Variants in GNL3L observed in about 807,000 individuals in gnomAD.
GNL3L encodes the protein G protein nucleolar 3 like.
In GNL3L, 4 loss-of-function variants were observed where a neutral mutation model predicts 42.9. The ratio of observed to expected loss-of-function variants is 0.09; its 90% CI spans 0.05 to 0.21. The LOEUF is 0.21. Among genes scored for constraint, GNL3L ranks in the 10% least tolerant of loss-of-function variants. The probability of loss-of-function intolerance (pLI) is 1.00; values close to 1 mark genes in which losing one functional copy is unlikely to be tolerated. For missense variants in GNL3L, 412 were observed against 481.7 expected (o/e 0.86, Z 1.36); for synonymous variants, 159 against 176.3 (o/e 0.90, Z 0.78).
intron 14 of GNL3L, among the ~76,000 whole-genome samples, chrX:54,555,539 C>G (rs768221152): frequency 6.4e-5 from 7 of 108,578 alleles, no homozygotes; most frequent in Non-Finnish European, 1.3e-4. Context: ...GGTGTGATCT[C>G]AGCTCACTGC....
chrX:54,620,286 C>T (rs763859056), intron 16 of GNL3L, among the ~76,000 whole-genome samples: 4 of 111,209 alleles, frequency 3.6e-5, no homozygotes, highest in Non-Finnish European at 3.8e-5. Flanking sequence ...CCCCCGCACC[C>T]CCATTACCCT....
At chrX:54,638,530 C>T in the GNL3L span, among the ~76,000 whole-genome samples, 3 of 110,947 alleles carry the variant, frequency 2.7e-5, no homozygotes, top group African/African-American at 9.8e-5. Flanking sequence ...AGTGCAGTGG[C>T]GCAATCTCCG....
Position 54,563,316 on chromosome X carries a change from G to A in GNL3L, c.*2714G>A, listed in dbSNP as rs1162786541. ...CTACTTATGATGGGGCTACTTCCTG[G>A]TAAACCCATTGTAATGTGCAAATTA... On this transcript the variant is annotated 3_prime_UTR_variant, in exon 16 of 16. Transcript: ENST00000360845. Among the ~76,000 whole-genome samples, 2 of 111,719 alleles carry A rather than the reference G, an allele frequency of 1.8e-5. No individual in the cohort carries two copies. The highest frequency in any genetic ancestry group is 6.5e-5 in the African/African-American group (2 of 30,742).
intron 2 of GNL3L, among the ~76,000 whole-genome samples, chrX:54,537,962 T>C (rs1233960448): frequency 9.0e-6 from 1 of 111,447 alleles, no homozygotes; most frequent in East Asian, 2.8e-4. Flanking sequence ...CTCACACAGT[T>C]CCTTTGAAGT....
At chrX:54,629,314 G>A in the GNL3L span, among the ~76,000 whole-genome samples, 1 of 111,427 alleles carries the variant, frequency 9.0e-6, no homozygotes, top group Non-Finnish European at 1.9e-5. Context: ...AATAGAAGTG[G>A]TGAAAGTGAG....
chrX:54,616,578 T>C (rs1447626644), intron 16 of GNL3L, among the ~76,000 whole-genome samples: 3 of 111,871 alleles, frequency 2.7e-5, no homozygotes, highest in Admixed American at 9.5e-5. Context: ...CCCGTTTTAG[T>C]TTTTTCCCCC....
chrX:54,565,952 C>CTGGAATTA lies in GNL3L; in HGVS notation c.*5351_*5358dup, dbSNP rs1389928504. The stretch of plus-strand genomic sequence containing the variant: ...TCTCATGCCTCAGCCTCCTGAGTAG[C>CTGGAATTA]TGGAATTACAGGCGCAGGCCACCAT... On this transcript the variant is annotated 3_prime_UTR_variant, in exon 16 of 16. Transcript: ENST00000360845. Among the ~76,000 whole-genome samples, 1 of 107,039 alleles carries CTGGAATTA rather than the reference C, an allele frequency of 9.3e-6. No individual in the cohort carries two copies. Among genetic ancestry groups the CTGGAATTA allele is most frequent in the Non-Finnish European group, 1.9e-5 (1 of 52,209 alleles). The allele number at this position is 107,039 out of a possible 115,157, so 93.0% of individuals were successfully genotyped here.
At chrX:54,551,151 A>G (rs1161202720) in intron 10 of GNL3L, 101 bp downstream of exon 10, 5 of 538,442 alleles carry the variant, frequency 9.3e-6, no homozygotes, top group East Asian at 3.6e-5. Flanking sequence ...ATCATGGACC[A>G]TCCCCTGATG....
chrX:54,552,753 A>G (rs921731010), intron 13 of GNL3L, among the ~76,000 whole-genome samples: 12 of 111,618 alleles, frequency 1.1e-4, no homozygotes, highest in African/African-American at 3.9e-4. Context: ...TTCTCTCAAA[A>G]ACTCTCTAAT....
chrX:54,584,975 G>A (rs1272883365), intron 16 of GNL3L, among the ~76,000 whole-genome samples: 1 of 111,396 alleles, frequency 9.0e-6, no homozygotes, highest in Non-Finnish European at 1.9e-5. Context: ...TAGTAGAGAC[G>A]GGTTCACCAT....
chrX:54,606,274 G>C (rs1316673424), intron 16 of GNL3L, among the ~76,000 whole-genome samples: 1 of 111,491 alleles, frequency 9.0e-6, no homozygotes, highest in East Asian at 2.8e-4. Flanking sequence ...ACAAATGATG[G>C]AAACATGCTA....
intron 16 of GNL3L, among the ~76,000 whole-genome samples, chrX:54,607,121 C>G (rs1926106339): frequency 3.9e-5 from 3 of 77,276 alleles, no homozygotes; most frequent in African/African-American, 1.7e-4. Context: ...TTCTTTCTTT[C>G]TTTCTTTCTT....
exon 17 of GNL3L, among the ~76,000 whole-genome samples, chrX:54,621,142 G>A (rs1926281439): frequency 1.8e-5 from 2 of 111,964 alleles, no homozygotes; most frequent in Admixed American, 1.9e-4. Flanking sequence ...TCCTCTCTTT[G>A]AATATGAGTG....
intron 16 of GNL3L, among the ~76,000 whole-genome samples, chrX:54,581,070 C>T (rs928401237): frequency 2.7e-5 from 3 of 111,699 alleles, no homozygotes; most frequent in African/African-American, 9.8e-5. Context: ...TATAAGCCAC[C>T]ACGCCTGGCC....
intron 16 of GNL3L, among the ~76,000 whole-genome samples, chrX:54,596,313 A>T (rs1435727037): frequency 8.9e-6 from 1 of 112,148 alleles, no homozygotes; most frequent in East Asian, 2.8e-4. Context: ...CTGCAAACTC[A>T]TAAAGGTAGC....
At chrX:54,572,721 C>T (rs1355219728) in intron 16 of GNL3L, among the ~76,000 whole-genome samples, 76 of 110,560 alleles carry the variant, frequency 6.9e-4, no homozygotes, top group African/African-American at 1.9e-3. Context: ...GGGTAGCTGC[C>T]GGGCGGAGAT....
rs1183371650 is a variant in GNL3L at position 54,541,327 on chromosome X, C to T, written c.244C>T (p.Arg82Cys). The change falls in exon 5 of 16, where the codon CGC becomes TGC. Residue 82 changes from arginine to cysteine, a missense_variant. Transcript: ENST00000360845. ...CGCCCGGGAGCAAGAAAGACAAAAA[C>T]GCAGGACCATTGAGAGCTACTGTCA... ...QAAREQERQK[R>C]RTIESYCQDV... 18 of 1,208,185 alleles carry T rather than the reference C, an allele frequency of 1.5e-5. No homozygotes were observed. Among genetic ancestry groups the T allele is most frequent in the South Asian group, 1.8e-5 (1 of 56,774 alleles).
intron 16 of GNL3L, among the ~76,000 whole-genome samples, chrX:54,620,041 T>A: frequency 9.0e-6 from 1 of 111,648 alleles, no homozygotes; most frequent in East Asian, 2.8e-4. Flanking sequence ...TGAAATTTGC[T>A]GATACAGGCA....
chrX:54,532,988 A>G (rs1924301987), intron 2 of GNL3L, among the ~76,000 whole-genome samples: 1 of 111,911 alleles, frequency 8.9e-6, no homozygotes, highest in Non-Finnish European at 1.9e-5. Flanking sequence ...ACTGTTGAAT[A>G]TGTTTCACAT....
Sources: gnomAD v4.1 joint callset for allele counts (sites outside exome capture counted in the v4.1 genomes callset) on GRCh38, gnomAD v4.1.1 for gene constraint, MANE v1.5 for transcripts, NCBI Gene and HGNC (gene_info 2026-07-23, HGNC 2026-07-21) for gene names.